The following CFAP74 variants were observed in gnomAD, a reference collection of about 807,000 sequenced individuals.
The protein encoded by CFAP74 is cilia and flagella associated protein 74.
In CFAP74, 124 loss-of-function variants were observed where a neutral mutation model predicts 188.9. The ratio of observed to expected loss-of-function variants is 0.66; its 90% CI spans 0.57 to 0.76. The LOEUF is 0.76. CFAP74 is among the 30% of genes least tolerant of loss of function. CFAP74 has a pLI of 0.00. For missense variants in CFAP74, 2,198 were observed against 2,165.2 expected, an observed-to-expected ratio of 1.02 and a Z score of -0.30; for synonymous variants, 956 against 916.7, an observed-to-expected ratio of 1.04 and a Z score of -0.77.
rs779066952 is a variant in CFAP74, at chr1:1,968,750, TTCC to T, written c.1127_1129del (p.Arg376del). The T allele has an allele frequency of 7.2e-5, 116 of 1,614,130 alleles. No homozygotes were observed. The highest frequency in any genetic ancestry group is 9.2e-5 in the Non-Finnish European group (108 of 1,179,984). On this transcript the variant is annotated inframe_deletion, in exon 11 of 39. Coordinates refer to ENST00000682832, the MANE Select transcript of CFAP74 (RefSeq NM_001304360.2). The surrounding 1 kb of genome is among the most constrained non-coding windows in gnomAD (Gnocchi z 4.3). The stretch of plus-strand genomic sequence containing the variant: ...GGCACTGGTGGGGGGATGCTGTTTC[TTCC>T]TCTTTTCCTCCTCAGCCTCCTCTTT...
At chr1:1,962,439 A>G (rs890244691) in intron 14 of CFAP74, among the ~76,000 whole-genome samples, 9 of 148,654 alleles carry the variant, frequency 6.1e-5, no homozygotes, top group Middle Eastern at 3.5e-3. Flanking sequence ...TTGTGCCACT[A>G]TACTCCAGCC....
chr1:1,987,198 G>T (rs537167579), intron 4 of CFAP74, among the ~76,000 whole-genome samples, 163 bp from the exon 5 acceptor site: 40 of 152,360 alleles, frequency 2.6e-4, no homozygotes, highest in African/African-American at 9.1e-4. Flanking sequence ...CACAAGCAGG[G>T]TCTTGTCGTC....
chr1:1,922,209 G>A lies in CFAP74; in HGVS notation c.*78C>T, dbSNP rs532947700. The A allele has an allele frequency of 4.6e-5, 50 of 1,076,366 alleles. No homozygotes were observed. Among genetic ancestry groups the A allele is most frequent in the African/African-American group, 9.4e-5 (6 of 63,578 alleles). The allele number at this position is 1,076,366 out of a possible 1,614,324, so 66.7% of individuals were successfully genotyped here. Reference sequence around the variant, plus strand: ...AGGATGGCCAGGTCCCAGGCTCTAGGGTAGTATGACCTGGCCCTCAGCCTG... The same window carrying A: ...AGGATGGCCAGGTCCCAGGCTCTAGAGTAGTATGACCTGGCCCTCAGCCTG... On this transcript the variant is annotated 3_prime_UTR_variant, in exon 39 of 39. Transcript: ENST00000682832.
chr1:1,991,030 G>A (rs1657536940), intron 1 of CFAP74, 55 bp from the exon 2 acceptor site: 1 of 1,208,056 alleles, frequency 8.3e-7, no homozygotes, highest in Non-Finnish European at 1.2e-6. Flanking sequence ...TTAAAAGACG[G>A]TGAATTAACC....
At chr1:1,977,264 C>G (rs4233027) in intron 6 of CFAP74, among the ~76,000 whole-genome samples, 46,143 of 152,134 alleles carry the variant, frequency 0.3, 7,269 homozygotes, top group Non-Finnish European at 0.34. Flanking sequence ...CTTCAGACCA[C>G]AGCAGAGGCT....
chr1:1,969,064 C>T (rs958875095), intron 10 of CFAP74, among the ~76,000 whole-genome samples: 1 of 152,174 alleles, frequency 6.6e-6, no homozygotes, highest in South Asian at 2.1e-4. Flanking sequence ...GAGCTAAACG[C>T]AAGCTCCAGT....
intron 18 of CFAP74, among the ~76,000 whole-genome samples, chr1:1,951,677 C>T (rs1464313720): frequency 6.6e-6 from 1 of 152,212 alleles, no homozygotes; most frequent in Non-Finnish European, 1.5e-5. Flanking sequence ...ATTAAAAAAT[C>T]TTCCTGGAAT....
intron 28 of CFAP74, 169 bp downstream of exon 28, chr1:1,927,438 G>T: frequency 1.5e-6 from 1 of 673,886 alleles, no homozygotes; most frequent in South Asian, 1.9e-5. Flanking sequence ...GGGGTGGGTA[G>T]GTCCCAGGAA....
chr1:1,926,870 T>G, intron 29 of CFAP74, 24 bp downstream of exon 29: 12 of 1,549,708 alleles, frequency 7.7e-6, no homozygotes, highest in Non-Finnish European at 9.6e-6. Context: ...GACCACACCC[T>G]GTTCTGGCCA....
chr1:1,972,902 G>A (rs1656189503), intron 8 of CFAP74, 35 bp downstream of exon 8: 2 of 1,338,418 alleles, frequency 1.5e-6, no homozygotes, highest in East Asian at 2.3e-5. Flanking sequence ...CGTATTCTTG[G>A]GTTTCTCCTT....
chr1:1,974,308 A>C, intron 6 of CFAP74, 110 bp from the exon 7 acceptor site: 1 of 1,099,396 alleles, frequency 9.1e-7, no homozygotes, highest in Middle Eastern at 2.1e-4. Context: ...AACACCCCAG[A>C]TGGGTTAGCT....
At position 1,923,733 on chromosome 1, in the gene CFAP74, C is replaced by T. The variant is rs945505784; in HGVS notation, c.4389+42G>A. ...GCCAAAGGCAAGGCCCTGCGTGGGG[C>T]CAGGGCCGGGCCGGGCTGAGCTTGC... is the stretch of plus-strand genomic sequence containing the variant. On this transcript the variant is annotated intron_variant, in intron 35 of 38. Transcript: ENST00000682832. This position sits in a 1 kb window ranked among gnomAD's most constrained non-coding sequence, Gnocchi z 6.3. 4 of 1,611,750 alleles carry T rather than the reference C, an allele frequency of 2.5e-6. No homozygotes were observed. The highest frequency in any genetic ancestry group is 2.2e-5 in the East Asian group (1 of 44,874).
At chr1:1,986,254 G>A (rs1220743020) in intron 5 of CFAP74, among the ~76,000 whole-genome samples, 3 of 152,230 alleles carry the variant, frequency 2.0e-5, no homozygotes, top group Non-Finnish European at 4.4e-5. Flanking sequence ...AGGTGTGGTG[G>A]CACATGCCTG....
intron 12 of CFAP74, among the ~76,000 whole-genome samples, chr1:1,965,595 G>A (rs1655411722): frequency 6.6e-6 from 1 of 152,116 alleles, no homozygotes; most frequent in African/African-American, 2.4e-5. Context: ...TCTGGGCTGT[G>A]GGCTGTCCCT....
rs1652245380 is a variant in CFAP74, at chr1:1,930,095, T to C, written c.3253A>G (p.Ile1085Val). 6.5e-7 allele frequency: 1 copy of C among 1,532,346 alleles called. No homozygotes were observed. 94.9% of individuals were successfully genotyped at this position (1,532,346 alleles called of 1,614,324 possible). A position where few individuals can be genotyped will look rare whatever the true frequency, so the allele number is the denominator to read the frequency against. ...FLLPPDSPITISPSVGTVWPG... is the reference protein window; with the variant it reads ...FLLPPDSPITVSPSVGTVWPG... ...CACACGGTCCCCACTGAGGGCGAGATGGTGATAGGCGAGTCTGGGGGCAGC... is the reference window on the plus strand; with the variant it reads ...CACACGGTCCCCACTGAGGGCGAGACGGTGATAGGCGAGTCTGGGGGCAGC... The change falls in exon 26 of 39, where the codon ATC becomes GTC. Residue 1085 changes from isoleucine to valine, a missense_variant. Physicochemically the swap from Ile to Val is conservative, Grantham distance 29 (BLOSUM62 3). Transcript: ENST00000682832.
chr1:1,945,392 C>T (rs1427285136), intron 20 of CFAP74, among the ~76,000 whole-genome samples: 2 of 152,294 alleles, frequency 1.3e-5, no homozygotes, highest in Middle Eastern at 3.4e-3. Flanking sequence ...GCCGCCTAGG[C>T]AGTGGTACTG....
chr1:1,941,983 A>G (rs780316925), intron 22 of CFAP74, 45 bp downstream of exon 22: 3 of 1,433,216 alleles, frequency 2.1e-6, no homozygotes, highest in Non-Finnish European at 2.7e-6. Context: ...GGAGCCCACA[A>G]CCTCCCACGT....
chr1:1,940,245 G>C, intron 23 of CFAP74, 71 bp downstream of exon 23: 1 of 1,245,872 alleles, frequency 8.0e-7, no homozygotes, highest in Middle Eastern at 2.6e-4. Context: ...CGGGTGCTGG[G>C]CCTGGCCTCC....
In CFAP74 at chr1:1,968,452, C is replaced by T. The variant is rs937952110; in HGVS notation, c.1245+183G>A. On this transcript the variant is annotated intron_variant, in intron 11 of 38. Coordinates refer to ENST00000682832, the MANE Select transcript of CFAP74 (RefSeq NM_001304360.2). The surrounding 1 kb of genome is among the most constrained non-coding windows in gnomAD (Gnocchi z 4.3). ...ATGGGCCTCTCTCATGTGGTGGGTC[C>T]GTAGTGTGTCTTGTCCCCTTGTCCT... is the stretch of plus-strand genomic sequence containing the variant. 2.4e-4 allele frequency among the ~76,000 whole-genome samples: 36 copies of T among 151,806 alleles called. No individual in the cohort carries two copies. Among genetic ancestry groups the T allele is most frequent in the Non-Finnish European group, 3.5e-4 (24 of 67,932 alleles).
Sources: gnomAD v4.1 joint callset for allele counts (sites outside exome capture counted in the v4.1 genomes callset) on GRCh38, gnomAD v4.1.1 for gene constraint, Gnocchi (gnomAD v3.1) non-coding constraint, MANE v1.5 for transcripts, NCBI Gene and HGNC (gene_info 2026-07-23, HGNC 2026-07-21) for gene names.